The following FAM120B variants were observed in gnomAD, a reference collection of about 807,000 sequenced individuals.
The protein encoded by FAM120B is constitutive coactivator of peroxisome proliferator-activated receptor gamma.
FAM120B carries 83 observed loss-of-function variants against 96.3 expected under a neutral mutation model. That is an observed-to-expected ratio of 0.86 (90% CI 0.72 to 1.03). FAM120B has a LOEUF of 1.03. FAM120B is among the 50% of genes least tolerant of loss of function. The probability of loss-of-function intolerance (pLI) is 0.00; values close to 1 mark genes in which losing one functional copy is unlikely to be tolerated. For synonymous variants in FAM120B, 407 were observed against 402.7 expected (o/e 1.01, Z -0.13); for missense variants, 1,027 against 1,121.2 (o/e 0.92, Z 1.20).
At chr6:170,306,908 T>C (rs1041672979) in intron 1 of FAM120B, 66 bp downstream of exon 1, 1 of 152,422 alleles carries the variant, frequency 6.6e-6, no homozygotes, top group East Asian at 1.9e-4. Context: ...GACCGTCCGT[T>C]ACCCGCGTCC....
intron 4 of FAM120B, among the ~76,000 whole-genome samples, chr6:170,331,134 G>A (rs961758570): frequency 6.6e-6 from 1 of 152,194 alleles, no homozygotes; most frequent in African/African-American, 2.4e-5. Flanking sequence ...TATATCCAAA[G>A]AGCAGCCTTT....
At chr6:170,359,276 C>G (rs1045771479) in intron 6 of FAM120B, among the ~76,000 whole-genome samples, 2 of 152,050 alleles carry the variant, frequency 1.3e-5, no homozygotes, top group East Asian at 3.9e-4. Flanking sequence ...GCCTGTAATC[C>G]TAGCTACTTG....
At chr6:170,327,670 T>A (rs1031516733) in intron 3 of FAM120B, among the ~76,000 whole-genome samples, 8 of 139,608 alleles carry the variant, frequency 5.7e-5, no homozygotes, top group African/African-American at 8.3e-5. Flanking sequence ...GGAGAGTGAG[T>A]GGGAAGGCCA....
At chr6:170,400,016 G>A in intron 9 of FAM120B, among the ~76,000 whole-genome samples, 1 of 144,786 alleles carries the variant, frequency 6.9e-6, no homozygotes, top group East Asian at 2.8e-4. Flanking sequence ...TAACTCTTAG[G>A]AGTGAGTGGG....
chr6:170,342,314 G>A (rs1786891585), intron 4 of FAM120B, among the ~76,000 whole-genome samples: 1 of 152,136 alleles, frequency 6.6e-6, no homozygotes, highest in African/African-American at 2.4e-5. Context: ...GTTAATTCTA[G>A]GAGTTTCACT....
chr6:170,385,605 A>G (rs1185281662), intron 6 of FAM120B, among the ~76,000 whole-genome samples: 1 of 152,160 alleles, frequency 6.6e-6, no homozygotes, highest in Non-Finnish European at 1.5e-5. Flanking sequence ...GTGGTTTCTT[A>G]ACAAAGCTAA....
intron 1 of FAM120B, among the ~76,000 whole-genome samples, chr6:170,300,761 T>C (rs149445452): frequency 0.011 from 1,740 of 152,304 alleles, 22 homozygotes; most frequent in African/African-American, 0.036. Flanking sequence ...CAAAATCCAA[T>C]AGGGCAGTCA....
intron 5 of FAM120B, among the ~76,000 whole-genome samples, chr6:170,356,171 C>T (rs767712646): frequency 6.6e-6 from 1 of 152,108 alleles, no homozygotes; most frequent in Non-Finnish European, 1.5e-5. Context: ...GCAAGACAAG[C>T]GTCAGGAAGA....
intron 6 of FAM120B, among the ~76,000 whole-genome samples, chr6:170,360,242 C>T (rs975061880): frequency 2.6e-5 from 4 of 152,202 alleles, no homozygotes; most frequent in South Asian, 2.1e-4. Flanking sequence ...TAAGGACATA[C>T]GGCAAGTAAC....
At chr6:170,304,415 C>T (rs2114983632), upstream of FAM120B, among the ~76,000 whole-genome samples, 1 of 152,276 alleles carries the variant, frequency 6.6e-6, no homozygotes, top group African/African-American at 2.4e-5. Context: ...TGTTGGTCTT[C>T]CTAGGTTTGT....
chr6:170,395,595 G>A lies in FAM120B; in HGVS notation c.2692+16G>A. The stretch of plus-strand genomic sequence containing the variant: ...CAGGGACCAGGTAAGAAGGCCAGTG[G>A]TCACTCTGCTGGGCCACCTGCATGG... On this transcript the variant is annotated intron_variant, in intron 9 of 10. Transcript: ENST00000476287. 6.4e-7 allele frequency: 1 copy of A among 1,569,926 alleles called. No individual in the cohort carries two copies. Among genetic ancestry groups the A allele is most frequent in the African/African-American group, 1.4e-5 (1 of 73,900 alleles).
At chr6:170,357,356 G>A (rs2115180669) in intron 5 of FAM120B, among the ~76,000 whole-genome samples, 1 of 152,178 alleles carries the variant, frequency 6.6e-6, no homozygotes, top group East Asian at 1.9e-4. Flanking sequence ...GCTCTTGATG[G>A]GGTCTGGACC....
chr6:170,390,915 T>C (rs564034091), intron 7 of FAM120B, 98 bp from the exon 8 acceptor site: 6 of 917,490 alleles, frequency 6.5e-6, no homozygotes, highest in African/African-American at 4.9e-5. Context: ...TTGGGAACAG[T>C]GTGGAAGGGT....
intron 6 of FAM120B, among the ~76,000 whole-genome samples, chr6:170,376,806 G>A (rs1789550827): frequency 6.6e-6 from 1 of 152,202 alleles, no homozygotes; most frequent in Non-Finnish European, 1.5e-5. Context: ...TGCTTGGTAA[G>A]AAATAGAAGT....
chr6:170,299,904 C>T (rs1784105246), intron 1 of FAM120B, among the ~76,000 whole-genome samples: 1 of 152,226 alleles, frequency 6.6e-6, no homozygotes, highest in African/African-American at 2.4e-5. Context: ...ATGTCTGCAG[C>T]AGTACCAGAC....
At chr6:170,375,433 G>A (rs752806407) in intron 6 of FAM120B, among the ~76,000 whole-genome samples, 3 of 152,184 alleles carry the variant, frequency 2.0e-5, no homozygotes, top group Admixed American at 6.5e-5. Flanking sequence ...TACAAAGGAC[G>A]TATGTTGAGT....
chr6:170,292,530 G>A (rs1486191385), upstream of FAM120B, among the ~76,000 whole-genome samples: 1 of 152,214 alleles, frequency 6.6e-6, no homozygotes, highest in Non-Finnish European at 1.5e-5. The surrounding 1 kb of genome is among the most constrained non-coding windows in gnomAD (Gnocchi z 6.6). Flanking sequence ...CTCACTGTAG[G>A]TGTGTTAGAG....
At position 170,404,562 on chromosome 6, in the gene FAM120B, A is replaced by T; in HGVS notation, c.2705A>T (p.Tyr902Phe). The T allele has an allele frequency of 6.2e-7, 1 of 1,614,074 alleles. No individual in the cohort carries two copies. The highest frequency in any genetic ancestry group is 8.5e-7 in the Non-Finnish European group (1 of 1,179,954). ...CTGTTTACTGCAGGAAGCAGACAGT[A>T]TGAGCATGACCAGTGGAGAAGGTAC... ...WRDQGPGSRQ[Y>F]EHDQWRRY Residue 902 changes from tyrosine (Y) to phenylalanine (F), a missense_variant, in exon 10 of 11, where the codon TAT becomes TTT. By Grantham distance (22) the Tyr-to-Phe change is conservative. Transcript: ENST00000476287.
Position 170,353,070 on chromosome 6 carries a change from C to T in FAM120B, c.2190+4747C>T, listed in dbSNP as rs193253182. ...ACCACTCACCTCACAGAAATATAAG[C>T]AACCATCAGAGAATACTGTAAACAC... On this transcript the variant is annotated intron_variant, in intron 5 of 10. Coordinates refer to ENST00000476287, the MANE Select transcript of FAM120B (RefSeq NM_032448.3). 1.4e-3 allele frequency among the ~76,000 whole-genome samples: 208 copies of T among 152,164 alleles called. 1 individual carries two copies. The highest frequency in any genetic ancestry group is 4.6e-3 in the African/African-American group (193 of 41,540).
Sources: gnomAD v4.1 joint callset for allele counts (sites outside exome capture counted in the v4.1 genomes callset) on GRCh38, gnomAD v4.1.1 for gene constraint, Gnocchi (gnomAD v3.1) non-coding constraint, MANE v1.5 for transcripts, NCBI Gene and HGNC (gene_info 2026-07-23, HGNC 2026-07-21) for gene names.